The following SAMD9 variants were observed in gnomAD, a reference collection of about 807,000 sequenced individuals.
SAMD9 encodes the protein sterile alpha motif domain-containing protein 9.
Under a neutral mutation model 1.5 loss-of-function variants are expected in SAMD9, and 3 were observed. The ratio of observed to expected loss-of-function variants is 2.05; its 90% CI spans 0.93 to 5.29. The LOEUF (loss-of-function observed/expected upper bound fraction) is 5.29, where lower values mean the gene tolerates loss of function less well. Among genes scored for constraint, SAMD9 ranks in the 30% most tolerant of loss-of-function variants. The pLI is 0.02. For missense variants in SAMD9, 1,597 were observed against 1,820.8 expected, an observed-to-expected ratio of 0.88 and a Z score of 2.24; for synonymous variants, 635 against 631.9, an observed-to-expected ratio of 1.00 and a Z score of -0.07.
chr7:93,113,267 C>A (rs1791776266), intron 2 of SAMD9, among the ~76,000 whole-genome samples: 1 of 152,186 alleles, frequency 6.6e-6, no homozygotes, highest in South Asian at 2.1e-4. Flanking sequence ...AAAGCTGAAA[C>A]TGGATCCCTT....
rs373722071 is a variant in SAMD9 at position 93,102,419 on chromosome 7, A to G, written c.3679T>C (p.Tyr1227His). The G allele has an allele frequency of 1.9e-6, 3 of 1,612,824 alleles. No homozygotes were observed. Among genetic ancestry groups the G allele is most frequent in the South Asian group, 1.1e-5 (1 of 91,034 alleles). ...CTTCCTGATACAAAATTGACCATATATCTTTTAGATAGCTCATTTTTATTA... is the reference window on the plus strand; with the variant it reads ...CTTCCTGATACAAAATTGACCATATGTCTTTTAGATAGCTCATTTTTATTA... ...FDNKNELSKR[Y>H]MVNFVSGSSD... The change falls in exon 3 of 3, where the codon TAT becomes CAT. Residue 1227 changes from tyrosine to histidine, a missense_variant. Transcript: ENST00000379958.
Position 93,103,750 on chromosome 7 carries a change from T to C in SAMD9, c.2348A>G (p.Tyr783Cys). 6.2e-7 allele frequency: 1 copy of C among 1,613,964 alleles called. No homozygotes were observed. Among genetic ancestry groups the C allele is most frequent in the Non-Finnish European group, 8.5e-7 (1 of 1,179,860 alleles). The change falls in exon 3 of 3, where the codon TAT (tyrosine) becomes TGT (cysteine). Residue 783 changes from tyrosine to cysteine, a missense_variant. Tyr to Cys is a radical substitution (Grantham distance 194). Around this residue, in one of 6 missense-constraint regions of SAMD9, gnomAD observed 358 missense variants for 460.4 expected, o/e 0.78. Transcript: ENST00000379958. ...IGEQVTSLIT[Y>C]GAMNRQEYVP... ...GTATTCCTGACGGTTCATTGCCCCATAGGTGATTAAACTGGTTACCTGTTC... is the reference window on the plus strand; with the variant it reads ...GTATTCCTGACGGTTCATTGCCCCACAGGTGATTAAACTGGTTACCTGTTC...
Position 93,105,730 on chromosome 7 carries a change from G to A in SAMD9, c.368C>T (p.Ala123Val). The part of the protein sequence containing the change: ...KQKGKENPDM[A>V]NPSAMSTTAK... ...AGTTGTACTCATTGCAGACGGATTAGCCATATCTGGGTTCTCTTTACCCTT... is the reference window on the plus strand; with the variant it reads ...AGTTGTACTCATTGCAGACGGATTAACCATATCTGGGTTCTCTTTACCCTT... Residue 123 changes from alanine (A) to valine (V), a missense_variant, in exon 3 of 3, where the codon GCT (alanine) becomes GTT (valine). Coordinates refer to ENST00000379958, the MANE Select transcript of SAMD9 (RefSeq NM_017654.4). 2 of 1,614,046 alleles carry A rather than the reference G, an allele frequency of 1.2e-6. No homozygotes were observed. The highest frequency in any genetic ancestry group is 8.5e-7 in the Non-Finnish European group (1 of 1,179,998).
chr7:93,101,047 T>A lies in SAMD9; in HGVS notation c.*281A>T, dbSNP rs1791519013. On this transcript the variant is annotated 3_prime_UTR_variant, in exon 3 of 3. Coordinates refer to ENST00000379958, the MANE Select transcript of SAMD9 (RefSeq NM_017654.4). ...TGTGTAGCCAGCTTATTACACTAAC[T>A]TCTCCTGACTCCAGTCATAGCTCCT... 4.6e-6 allele frequency: 2 copies of A among 436,286 alleles called. No homozygotes were observed. The highest frequency in any genetic ancestry group is 4.8e-5 in the South Asian group (2 of 41,742). 27.0% of individuals were successfully genotyped at this position (436,286 alleles called of 1,614,324 possible). A position where few individuals can be genotyped will look rare whatever the true frequency, so the allele number is the denominator to read the frequency against.
chr7:93,112,224 A>G (rs1359713125), intron 2 of SAMD9, among the ~76,000 whole-genome samples: 1 of 152,246 alleles, frequency 6.6e-6, no homozygotes, highest in African/African-American at 2.4e-5. Flanking sequence ...ATCTCAATAG[A>G]TGCAGAAAAT....
chr7:93,108,084 A>T (rs1467485920), intron 2 of SAMD9, among the ~76,000 whole-genome samples: 1 of 152,192 alleles, frequency 6.6e-6, no homozygotes, highest in African/African-American at 2.4e-5. Context: ...ATACTTGGAG[A>T]AATATGTATA....
chr7:93,107,330 T>G (rs1325871457), intron 2 of SAMD9, among the ~76,000 whole-genome samples: 3 of 152,230 alleles, frequency 2.0e-5, no homozygotes, highest in Admixed American at 6.5e-5. Flanking sequence ...TGGCTACTGT[T>G]GTATTAAACT....
chr7:93,110,522 A>G (rs1425699693), intron 2 of SAMD9, among the ~76,000 whole-genome samples: 6 of 152,204 alleles, frequency 3.9e-5, no homozygotes, highest in African/African-American at 1.4e-4. Flanking sequence ...CAAATTGGTT[A>G]GAGTCAAGAT....
chr7:93,104,832 TG>T lies in SAMD9; in HGVS notation c.1265del (p.Pro422GlnfsTer7), dbSNP rs1487809527. On this transcript the variant is annotated frameshift_variant, in exon 3 of 3. Transcript: ENST00000379958. LOFTEE classifies it low-confidence loss of function (END_TRUNC). ...QYILVTNKCH[P>X]DQTKHLDFLK... is the part of the protein sequence containing the mutation. ...GGAAATCTAAGTGTTTTGTTTGATC[TG>T]GGTGGCATTTATTTGTTACAAGAAT... 17 of 1,613,574 alleles carry T rather than the reference TG, an allele frequency of 1.1e-5. No homozygotes were observed. The highest frequency in any genetic ancestry group is 1.6e-4 in the Middle Eastern group (1 of 6,082).
At chr7:93,114,591 A>C (rs546834836) in intron 2 of SAMD9, among the ~76,000 whole-genome samples, 50 of 152,194 alleles carry the variant, frequency 3.3e-4, no homozygotes, top group Non-Finnish European at 6.0e-4. Context: ...GGAAAACAAA[A>C]TGACAAGAGA....
rs747831581 is a variant in SAMD9, at chr7:93,103,632, G to A, written c.2466C>T (p.Tyr822=). The change falls in exon 3 of 3, where the codon TAC becomes TAT. Residue 822 remains tyrosine, a synonymous_variant. Coordinates refer to ENST00000379958, the MANE Select transcript of SAMD9 (RefSeq NM_017654.4). Reference sequence around the variant, plus strand: ...TCACCAGAGGTTTTTCATATCGAATGTACTTTTTAGCTATAGCTGTTTGAA... The same window carrying A: ...TCACCAGAGGTTTTTCATATCGAATATACTTTTTAGCTATAGCTGTTTGAA... ...YSIQTAIAKK[Y]IRYEKPLVII... The A allele has an allele frequency of 6.2e-7, 1 of 1,613,682 alleles. No homozygotes were observed. Among genetic ancestry groups the A allele is most frequent in the Admixed American group, 1.7e-5 (1 of 59,988 alleles).
At chr7:93,113,484 A>T (rs1413301678) in intron 2 of SAMD9, among the ~76,000 whole-genome samples, 9 of 152,376 alleles carry the variant, frequency 5.9e-5, no homozygotes, top group Admixed American at 4.6e-4. Context: ...ACTTCTGCAC[A>T]GCAAAAGAAA....
intron 2 of SAMD9, among the ~76,000 whole-genome samples, chr7:93,107,474 T>C (rs1791665682): frequency 6.6e-6 from 1 of 152,178 alleles, no homozygotes; most frequent in Non-Finnish European, 1.5e-5. Context: ...TAGCAATGGT[T>C]AGAAAAAATG....
At chr7:93,115,125 T>C (rs1186288939) in intron 1 of SAMD9, among the ~76,000 whole-genome samples, 1 of 152,074 alleles carries the variant, frequency 6.6e-6, no homozygotes, top group African/African-American at 2.4e-5. Flanking sequence ...GAAGTGCAAT[T>C]AGAAGTGTTC....
Position 93,102,469 on chromosome 7 carries a change from A to G in SAMD9, c.3629T>C (p.Ile1210Thr). The G allele has an allele frequency of 6.2e-7, 1 of 1,613,762 alleles. No individual in the cohort carries two copies. Among genetic ancestry groups the G allele is most frequent in the African/African-American group, 1.3e-5 (1 of 75,030 alleles). Reference protein sequence around the residue: ...EIEVGLYTIQILQLIPFFDNK... With the variant: ...EIEVGLYTIQTLQLIPFFDNK... ...ATCAAAAAAAGGAATGAGCTGGAGA[A>G]TTTGGATTGTGTAAAGCCCAACTTC... is the stretch of plus-strand genomic sequence containing the variant. Residue 1210 changes from isoleucine to threonine, a missense_variant, in exon 3 of 3, where the codon ATT becomes ACT. Transcript: ENST00000379958.
At position 93,100,651 on chromosome 7, in the gene SAMD9, T is replaced by C. The variant is rs981918954; in HGVS notation, c.*677A>G. 6.7e-6 allele frequency: 1 copy of C among 150,062 alleles called. No individual in the cohort carries two copies. Among genetic ancestry groups the C allele is most frequent in the African/African-American group, 2.5e-5 (1 of 40,796 alleles). The allele number at this position is 150,062 out of a possible 1,614,324, so 9.3% of individuals were successfully genotyped here. A position where few individuals can be genotyped will look rare whatever the true frequency, so the allele number is the denominator to read the frequency against. ...CATTAGCTTGTGGAATTTGAGTGTCTGTATGTTTTTTTTTTAATTGTTTGT... is the reference window on the plus strand; with the variant it reads ...CATTAGCTTGTGGAATTTGAGTGTCCGTATGTTTTTTTTTTAATTGTTTGT... On this transcript the variant is annotated 3_prime_UTR_variant, in exon 3 of 3. Coordinates refer to ENST00000379958, the MANE Select transcript of SAMD9 (RefSeq NM_017654.4).
intron 2 of SAMD9, among the ~76,000 whole-genome samples, chr7:93,114,028 A>G (rs2116439560): frequency 6.6e-6 from 1 of 152,328 alleles, no homozygotes; most frequent in East Asian, 1.9e-4. Flanking sequence ...TATTCACAAT[A>G]GCAAAGACTT....
Position 93,105,451 on chromosome 7 carries a change from C to T in SAMD9, c.647G>A (p.Ser216Asn), listed in dbSNP as rs2116422120. 7 of 1,614,046 alleles carry T rather than the reference C, an allele frequency of 4.3e-6. No homozygotes were observed. The highest frequency in any genetic ancestry group is 5.9e-6 in the Non-Finnish European group (7 of 1,179,978). Residue 216 changes from serine to asparagine, a missense_variant, in exon 3 of 3, where the codon AGC (serine) becomes AAC (asparagine). Around this residue, in one of 6 missense-constraint regions of SAMD9, gnomAD observed 498 missense variants for 457.4 expected, o/e 1.09. Transcript: ENST00000379958. ...TGAAGCAAATCGGAAAACCTCATTGCTAAATTTCATCTTGACATCCTCTTC... is the reference window on the plus strand; with the variant it reads ...TGAAGCAAATCGGAAAACCTCATTGTTAAATTTCATCTTGACATCCTCTTC... The part of the protein sequence containing the change: ...ATEEDVKMKF[S>N]NEVFRFASAC...
At chr7:93,106,644 A>G (rs1482534328) in intron 2 of SAMD9, among the ~76,000 whole-genome samples, 1 of 152,216 alleles carries the variant, frequency 6.6e-6, no homozygotes, top group Non-Finnish European at 1.5e-5. Context: ...GACACACATG[A>G]AGCATTTGCT....
Sources: allele counts gnomAD v4.1 joint callset (sites outside exome capture counted in the v4.1 genomes callset), GRCh38; gene constraint gnomAD v4.1.1; regional missense constraint gnomAD v4.1.1; transcripts MANE v1.5; gene names NCBI Gene and HGNC (gene_info 2026-07-23, HGNC 2026-07-21).